Variants in LMBR1 observed in about 807,000 individuals in gnomAD.
The protein encoded by LMBR1 is limb region 1 protein homolog.
In LMBR1, 52 loss-of-function variants were observed where a neutral mutation model predicts 73.9. The observed-to-expected ratio is 0.70, with a 90% CI of 0.56 to 0.89. LMBR1 has a LOEUF of 0.89. Among genes scored for constraint, LMBR1 ranks in the 40% least tolerant of loss-of-function variants. LMBR1 has a pLI of 0.00. For missense variants in LMBR1, 539 were observed against 579.8 expected (o/e 0.93, Z 0.72); for synonymous variants, 215 against 209.4 (o/e 1.03, Z -0.23).
At chr7:156,888,727 G>A (rs1435151257) in intron 1 of LMBR1, among the ~76,000 whole-genome samples, 2 of 151,866 alleles carry the variant, frequency 1.3e-5, no homozygotes, top group African/African-American at 4.8e-5. Context: ...AGAACAGCCT[G>A]GGCAACATAG....
chr7:156,863,110 A>G (rs1161292997), intron 1 of LMBR1, among the ~76,000 whole-genome samples: 1 of 152,202 alleles, frequency 6.6e-6, no homozygotes, highest in Non-Finnish European at 1.5e-5. Flanking sequence ...TAGAAGATAT[A>G]TATATGTATA....
At chr7:156,706,632 G>A (rs1381591356) in intron 15 of LMBR1, among the ~76,000 whole-genome samples, 4 of 151,766 alleles carry the variant, frequency 2.6e-5, no homozygotes, top group East Asian at 1.9e-4. Flanking sequence ...ATGACCATTG[G>A]GTCAAAGAAT....
intron 5 of LMBR1, among the ~76,000 whole-genome samples, chr7:156,785,678 T>C (rs1054155528): frequency 6.6e-6 from 1 of 152,254 alleles, no homozygotes; most frequent in African/African-American, 2.4e-5. Flanking sequence ...TCCATACCTG[T>C]AGAATAAATC....
chr7:156,798,846 G>T (rs189249906), intron 4 of LMBR1, among the ~76,000 whole-genome samples: 1 of 152,092 alleles, frequency 6.6e-6, no homozygotes, highest in Non-Finnish European at 1.5e-5. Context: ...TTTTACACAA[G>T]ATAGTTTTAT....
intron 1 of LMBR1, among the ~76,000 whole-genome samples, chr7:156,855,810 C>G (rs1796884232): frequency 6.6e-6 from 1 of 152,040 alleles, no homozygotes; most frequent in Non-Finnish European, 1.5e-5. Flanking sequence ...AGAATTGCAT[C>G]AGACTTCTCT....
rs78554464 is a variant in LMBR1 at position 156,724,652 on chromosome 7, C to T, written c.1159-474G>A. Among the ~76,000 whole-genome samples the T allele has an allele frequency of 6.2e-3, 938 of 152,034 alleles. 9 individuals carry two copies. Among genetic ancestry groups the T allele is most frequent in the African/African-American group, 0.022 (893 of 41,472 alleles). On this transcript the variant is annotated intron_variant, in intron 14 of 16. Transcript: ENST00000353442. ...TCTAAACTTTTGTAATAATGCATCC[C>T]ATGTTTATTCTTCCATAGTAAATAA... is the stretch of plus-strand genomic sequence containing the variant.
Position 156,678,470 on chromosome 7 carries a change from T to A in LMBR1, c.*5608A>T, listed in dbSNP as rs1409882308. ...CACAGAACGCTAAAAAGGACCTGAA[T>A]GAAGTAGCTACTTCTCTGGACAATT... On this transcript the variant is annotated 3_prime_UTR_variant, in exon 17 of 17. Transcript: ENST00000353442. 2.0e-5 allele frequency: 3 copies of A among 152,224 alleles called. No homozygotes were observed. Among genetic ancestry groups the A allele is most frequent in the Non-Finnish European group, 4.4e-5 (3 of 68,040 alleles). 9.4% of individuals were successfully genotyped at this position (152,224 alleles called of 1,614,324 possible). A position where few individuals can be genotyped will look rare whatever the true frequency, so the allele number is the denominator to read the frequency against.
At chr7:156,762,598 T>A (rs1400891772) in intron 7 of LMBR1, among the ~76,000 whole-genome samples, 3 of 152,236 alleles carry the variant, frequency 2.0e-5, no homozygotes, top group African/African-American at 7.2e-5. Context: ...TAGTCTTAAG[T>A]CCTTTAAACT....
At chr7:156,836,761 C>T in intron 2 of LMBR1, 52 bp downstream of exon 2, 1 of 1,187,600 alleles carries the variant, frequency 8.4e-7, no homozygotes, top group Non-Finnish European at 1.2e-6. Flanking sequence ...TATACCATGC[C>T]TAGACCATGT....
At chr7:156,753,517 G>A (rs1821279219) in intron 9 of LMBR1, among the ~76,000 whole-genome samples, 1 of 151,984 alleles carries the variant, frequency 6.6e-6, no homozygotes, top group African/African-American at 2.4e-5. Flanking sequence ...AAGATACAGG[G>A]GTTTTGTTCA....
downstream of LMBR1, chr7:156,675,868 G>C: frequency 1.2e-6 from 2 of 1,610,198 alleles, no homozygotes; most frequent in Non-Finnish European, 1.7e-6. Flanking sequence ...GTGCAGGTAG[G>C]TTTGGCTGGC....
rs546426789 is a variant in LMBR1 at position 156,889,719 on chromosome 7, A to G, written c.66+3209T>C. 7.2e-5 allele frequency among the ~76,000 whole-genome samples: 11 copies of G among 152,258 alleles called. No homozygotes were observed. The East Asian group carries it at 2.1e-3, about 29-fold the overall frequency. On this transcript the variant is annotated intron_variant, in intron 1 of 16. Transcript: ENST00000353442. ...TGTTTTACAATGTGTCCCTTTCTCAACCCAAATTCTAGAATATCTAATTAA... is the reference window on the plus strand; with the variant it reads ...TGTTTTACAATGTGTCCCTTTCTCAGCCCAAATTCTAGAATATCTAATTAA...
At chr7:156,828,911 T>A (rs995485938) in intron 3 of LMBR1, among the ~76,000 whole-genome samples, 7 of 152,256 alleles carry the variant, frequency 4.6e-5, no homozygotes, top group Non-Finnish European at 1.0e-4. Context: ...CTTTGTTAGA[T>A]GCCCAGGCAC....
intron 4 of LMBR1, among the ~76,000 whole-genome samples, chr7:156,804,273 C>T (rs1020797690): frequency 1.3e-5 from 2 of 152,276 alleles, no homozygotes; most frequent in Non-Finnish European, 2.9e-5. Context: ...GATTGAATCG[C>T]TATTGGACTG....
At chr7:156,701,711 G>C (rs1304884178) in intron 15 of LMBR1, among the ~76,000 whole-genome samples, 1 of 152,158 alleles carries the variant, frequency 6.6e-6, no homozygotes, top group East Asian at 1.9e-4. Flanking sequence ...GTGCTATGGT[G>C]GTTTGCTGCA....
chr7:156,860,392 C>T (rs952282305), intron 1 of LMBR1, among the ~76,000 whole-genome samples: 5 of 152,212 alleles, frequency 3.3e-5, no homozygotes, highest in South Asian at 4.1e-4. Flanking sequence ...GGGAAAGACC[C>T]GCCTCGTGAT....
At chr7:156,783,490 A>G (rs894698403) in intron 5 of LMBR1, among the ~76,000 whole-genome samples, 1 of 152,142 alleles carries the variant, frequency 6.6e-6, no homozygotes, top group Non-Finnish European at 1.5e-5. Flanking sequence ...ACATCTTTCA[A>G]TAAGATTTTT....
intron 15 of LMBR1, among the ~76,000 whole-genome samples, chr7:156,708,823 C>T (rs560720970): frequency 2.6e-5 from 4 of 152,106 alleles, no homozygotes; most frequent in African/African-American, 7.2e-5. Context: ...ACAAGGTCTG[C>T]GGCAGGGACT....
intron 1 of LMBR1, among the ~76,000 whole-genome samples, chr7:156,848,261 C>T (rs1341417057): frequency 6.6e-6 from 1 of 152,050 alleles, no homozygotes; most frequent in Non-Finnish European, 1.5e-5. Context: ...AGCTTCTGTA[C>T]AACTAAAGAA....
Sources: allele counts gnomAD v4.1 joint callset (sites outside exome capture counted in the v4.1 genomes callset), GRCh38; gene constraint gnomAD v4.1.1; transcripts MANE v1.5; gene names NCBI Gene and HGNC (gene_info 2026-07-23, HGNC 2026-07-21).